Variants in B3GALT1 observed in about 807,000 individuals in gnomAD.
B3GALT1 encodes the protein UDP-Gal:betaGlcNAc beta 1,3-galactosyltransferase, polypeptide 1.
In B3GALT1, 10 loss-of-function variants were observed where a neutral mutation model predicts 23.2. That is an observed-to-expected ratio of 0.43 (90% CI 0.27 to 0.73). The LOEUF (loss-of-function observed/expected upper bound fraction) is 0.73. Among genes scored for constraint, B3GALT1 ranks in the 30% least tolerant of loss-of-function variants. The probability of loss-of-function intolerance (pLI) is 0.21; values close to 1 mark genes in which losing one functional copy is unlikely to be tolerated. For synonymous variants in B3GALT1, 156 were observed against 141.5 expected, an observed-to-expected ratio of 1.10 and a Z score of -0.73; for missense variants, 299 against 405.4, an observed-to-expected ratio of 0.74 and a Z score of 2.25.
At chr2:167,689,305 A>G (rs1686672198) in intron 3 of B3GALT1, among the ~76,000 whole-genome samples, 1 of 152,234 alleles carries the variant, frequency 6.6e-6, no homozygotes, top group African/African-American at 2.4e-5. Context: ...GGAATCCTAT[A>G]TCCAGCAAAA....
At chr2:167,539,258 T>TA (rs143132373) in intron 2 of B3GALT1, among the ~76,000 whole-genome samples, 2,197 of 151,444 alleles carry the variant, frequency 0.015, 50 homozygotes, top group African/African-American at 0.05. Flanking sequence ...CTTTTTCTAT[T>TA]TAAAAAAAAA....
intron 1 of B3GALT1, among the ~76,000 whole-genome samples, chr2:167,388,657 A>G (rs1697968856): frequency 6.6e-6 from 1 of 152,216 alleles, no homozygotes; most frequent in Non-Finnish European, 1.5e-5. Flanking sequence ...CTAGCTACAC[A>G]ATAGAATCAC....
chr2:167,611,567 A>G (rs1380864770), intron 2 of B3GALT1, among the ~76,000 whole-genome samples: 1 of 152,030 alleles, frequency 6.6e-6, no homozygotes, highest in East Asian at 1.9e-4. Context: ...AAATATAAGT[A>G]TAAAGATTAT....
At chr2:167,312,521 C>G (rs1400508352) in intron 1 of B3GALT1, among the ~76,000 whole-genome samples, 2 of 151,592 alleles carry the variant, frequency 1.3e-5, no homozygotes, top group Admixed American at 1.3e-4. Context: ...TAAAAGAGAA[C>G]AAAAAAACCG....
chr2:167,391,337 G>A (rs575805059), intron 1 of B3GALT1, among the ~76,000 whole-genome samples: 2 of 152,204 alleles, frequency 1.3e-5, no homozygotes, highest in African/African-American at 4.8e-5. Context: ...GCTTGTTTTT[G>A]TTCTTTTATT....
At chr2:167,648,785 C>T (rs376544946) in intron 3 of B3GALT1, among the ~76,000 whole-genome samples, 1 of 152,076 alleles carries the variant, frequency 6.6e-6, no homozygotes, top group African/African-American at 2.4e-5. Flanking sequence ...CATTTAATTG[C>T]TTTGCCTCAT....
chr2:167,324,623 A>G (rs1696864867), intron 1 of B3GALT1, among the ~76,000 whole-genome samples: 1 of 152,088 alleles, frequency 6.6e-6, no homozygotes, highest in South Asian at 2.1e-4. Context: ...TATGGGATAC[A>G]TGTGAAATTT....
chr2:167,548,930 A>G (rs1219083155), intron 2 of B3GALT1, among the ~76,000 whole-genome samples: 5 of 152,102 alleles, frequency 3.3e-5, no homozygotes, highest in African/African-American at 1.2e-4. Context: ...AACCTGGTTC[A>G]AGTTCTACCT....
intron 3 of B3GALT1, among the ~76,000 whole-genome samples, chr2:167,684,219 C>T (rs953771224): frequency 4.6e-5 from 7 of 152,160 alleles, no homozygotes; most frequent in South Asian, 2.1e-4. Flanking sequence ...CCTCCAATAA[C>T]GTAGGCAAGG....
rs908442742 is a variant in B3GALT1 at position 167,346,750 on chromosome 2, G to T, written c.-511+53416G>T. ...CTGAGTTGTTTGTGTGTGTGTGGGG[G>T]GGGGGTGGTGCGTGTGTGTGTGTGT... is the stretch of plus-strand genomic sequence containing the variant. On this transcript the variant is annotated intron_variant, in intron 1 of 4. Coordinates refer to ENST00000392690, the MANE Select transcript of B3GALT1 (RefSeq NM_020981.4). Among the ~76,000 whole-genome samples, 64 of 150,652 alleles carry T rather than the reference G, an allele frequency of 4.2e-4. 1 individual carries two copies. Among genetic ancestry groups the T allele is most frequent in the African/African-American group, 1.2e-3 (49 of 41,216 alleles).
intron 2 of B3GALT1, among the ~76,000 whole-genome samples, chr2:167,638,206 A>C (rs1685591595): frequency 1.3e-5 from 2 of 152,052 alleles, no homozygotes; most frequent in Non-Finnish European, 1.5e-5. Flanking sequence ...GAGATCCATA[A>C]TTTCATGAAT....
At chr2:167,364,146 A>T (rs908535572) in intron 1 of B3GALT1, among the ~76,000 whole-genome samples, 3 of 142,886 alleles carry the variant, frequency 2.1e-5, no homozygotes, top group African/African-American at 7.8e-5. Context: ...CCTGGGCAAC[A>T]GAGTGGGACT....
At chr2:167,701,601 CAA>C (rs1397221543) in intron 3 of B3GALT1, among the ~76,000 whole-genome samples, 2 of 152,032 alleles carry the variant, frequency 1.3e-5, no homozygotes, top group Non-Finnish European at 2.9e-5. Flanking sequence ...GTTAAATTGA[CAA>C]AAGTTTTAAG....
Position 167,668,531 on chromosome 2 carries a change from G to A in B3GALT1, c.-352+21565G>A, listed in dbSNP as rs542065964. Among the ~76,000 whole-genome samples the A allele has an allele frequency of 3.4e-3, 518 of 152,246 alleles. 3 individuals are homozygous for A. The highest frequency in any genetic ancestry group is 5.6e-3 in the Non-Finnish European group (380 of 68,024). On this transcript the variant is annotated intron_variant, in intron 3 of 4. Coordinates refer to ENST00000392690, the MANE Select transcript of B3GALT1 (RefSeq NM_020981.4). Reference sequence around the variant, plus strand: ...TACCTAAGCAAGCCTGGGCAATGGCGGGCACCCCTCCCCCAGCCTCGCTGC... The same window carrying A: ...TACCTAAGCAAGCCTGGGCAATGGCAGGCACCCCTCCCCCAGCCTCGCTGC...
At chr2:167,800,425 A>T (rs1352683858) in intron 3 of B3GALT1, among the ~76,000 whole-genome samples, 1 of 152,128 alleles carries the variant, frequency 6.6e-6, no homozygotes, top group East Asian at 1.9e-4. Flanking sequence ...CCCTCCCCAC[A>T]CCCATTATCA....
intron 1 of B3GALT1, among the ~76,000 whole-genome samples, chr2:167,468,863 T>A (rs1699384225): frequency 6.6e-6 from 1 of 152,090 alleles, no homozygotes; most frequent in Non-Finnish European, 1.5e-5. Flanking sequence ...AGAATGAGAC[T>A]CCATCTCAAA....
intron 3 of B3GALT1, among the ~76,000 whole-genome samples, chr2:167,649,770 A>G (rs1159435957): frequency 1.3e-5 from 2 of 151,996 alleles, no homozygotes; most frequent in East Asian, 1.9e-4. Flanking sequence ...CTTGTGTCCT[A>G]CAAGTTTACC....
At chr2:167,822,259 T>A (rs1381589084) in intron 4 of B3GALT1, among the ~76,000 whole-genome samples, 1 of 152,140 alleles carries the variant, frequency 6.6e-6, no homozygotes, top group African/African-American at 2.4e-5. Context: ...AAATGCTAGG[T>A]CACTATTACA....
At chr2:167,572,487 G>A (rs1169512048) in intron 2 of B3GALT1, among the ~76,000 whole-genome samples, 1 of 151,734 alleles carries the variant, frequency 6.6e-6, no homozygotes, top group Non-Finnish European at 1.5e-5. Context: ...AACTATTCCA[G>A]TACATTAAAT....
Sources: gnomAD v4.1 joint callset for allele counts (sites outside exome capture counted in the v4.1 genomes callset) on GRCh38, gnomAD v4.1.1 for gene constraint, MANE v1.5 for transcripts, NCBI Gene and HGNC (gene_info 2026-07-23, HGNC 2026-07-21) for gene names.